Variants in MGAM observed in about 807,000 individuals in gnomAD.
MGAM encodes the protein alpha-1,4-glucosidase.
MGAM carries 253 observed loss-of-function variants against 358.8 expected under a neutral mutation model. That is an observed-to-expected ratio of 0.71 (90% CI 0.64 to 0.78). MGAM has a LOEUF of 0.78. Ranked by LOEUF, MGAM falls within the 30% of genes least tolerant of loss-of-function variation. The pLI is 0.00. For synonymous variants in MGAM, 1,105 were observed against 1,227.1 expected (o/e 0.90, Z 2.08); for missense variants, 3,080 against 3,432.6 (o/e 0.90, Z 2.57).
intron 5 of MGAM, among the ~76,000 whole-genome samples, 157 bp from the exon 6 acceptor site, chr7:142,021,429 A>T (rs1253951790): frequency 6.6e-6 from 1 of 152,214 alleles, no homozygotes; most frequent in Non-Finnish European, 1.5e-5. Flanking sequence ...CTTATGCCCA[A>T]AGGTGAACCA....
rs866631837 is a variant in MGAM at position 142,045,873 on chromosome 7, C to G, written c.2499-1912C>G. ...GTAATATATATATTATATATACATA[C>G]AATATGTAATATATATATTATGTAT... On this transcript the variant is annotated intron_variant, in intron 21 of 70. Coordinates refer to ENST00000475668, the MANE Select transcript of MGAM (RefSeq NM_001365693.1). Among the ~76,000 whole-genome samples the G allele has an allele frequency of 1.2e-4, 13 of 111,170 alleles. 4 individuals carry two copies. The highest frequency in any genetic ancestry group is 9.0e-4 in the Admixed American group (8 of 8,922). The allele number at this position is 111,170 out of a possible 152,430, so 72.9% of individuals were successfully genotyped here.
At position 142,027,621 on chromosome 7, in the gene MGAM, G is replaced by T; in HGVS notation, c.1107G>T (p.Arg369=). ...CATATTTCTTTCAGCTCATTGGGCG[G>T]CCAGCCCTTCCCTCCTACTGGGCGC... ...VVQEYLELIG[R]PALPSYWALG... The change falls in exon 10 of 71, where the codon CGG becomes CGT. Residue 369 remains arginine, a synonymous_variant. Transcript: ENST00000475668. 3 of 1,613,446 alleles carry T rather than the reference G, an allele frequency of 1.9e-6. No individual in the cohort carries two copies. Among genetic ancestry groups the T allele is most frequent in the Non-Finnish European group, 2.5e-6 (3 of 1,179,628 alleles).
chr7:142,091,128 T>C (rs1815344969), intron 57 of MGAM, among the ~76,000 whole-genome samples: 1 of 143,972 alleles, frequency 6.9e-6, no homozygotes, highest in South Asian at 2.2e-4. Flanking sequence ...GTGCCTGTAA[T>C]CCCAGCTACT....
At chr7:142,045,293 TAA>T (rs1278305991) in intron 21 of MGAM, among the ~76,000 whole-genome samples, 2 of 108,264 alleles carry the variant, frequency 1.8e-5, no homozygotes, top group South Asian at 2.6e-4. Context: ...ATATGATATA[TAA>T]TATATATTAT....
intron 67 of MGAM, among the ~76,000 whole-genome samples, chr7:142,100,253 C>A (rs1335639236): frequency 1.3e-5 from 2 of 152,120 alleles, no homozygotes; most frequent in Non-Finnish European, 2.9e-5. Context: ...AACATAAATT[C>A]TGTGAGGTTA....
Position 142,045,207 on chromosome 7 carries a change from TAA to T in MGAM, c.2499-2577_2499-2576del, listed in dbSNP as rs1563156754. ...TATATGATATATAATATATATTATA[TAA>T]CATATATGTATATAATATATATTAT... On this transcript the variant is annotated intron_variant, in intron 21 of 70. Transcript: ENST00000475668. Among the ~76,000 whole-genome samples the T allele has an allele frequency of 1.2e-4, 10 of 81,348 alleles. 2 individuals carry two copies. The highest frequency in any genetic ancestry group is 3.9e-4 in the African/African-American group (8 of 20,672). The allele number at this position is 81,348 out of a possible 152,430, so 53.4% of individuals were successfully genotyped here.
At position 142,088,739 on chromosome 7, in the gene MGAM, GTCTGTCTGTCTATCTATCTATCTATCTA is replaced by G. The variant is rs1445377146; in HGVS notation, c.6810+2026_6810+2053del. 1.6e-4 allele frequency among the ~76,000 whole-genome samples: 16 copies of G among 102,500 alleles called. 2 individuals are homozygous for G. Among genetic ancestry groups the G allele is most frequent in the African/African-American group, 4.1e-4 (10 of 24,584 alleles). The allele number at this position is 102,500 out of a possible 152,430, so 67.2% of individuals were successfully genotyped here. A position where few individuals can be genotyped will look rare whatever the true frequency, so the allele number is the denominator to read the frequency against. ...TTCATTTATGTCTGTCTGTCTGTCT[GTCTGTCTGTCTATCTATCTATCTATCTA>G]TCTATCTATCTATCTATCTATCTAT... On this transcript the variant is annotated intron_variant, in intron 57 of 70. Coordinates refer to ENST00000475668, the MANE Select transcript of MGAM (RefSeq NM_001365693.1).
rs1299112348 is a variant in MGAM at position 142,041,931 on chromosome 7, A to ATG, written c.2498+1086_2498+1087insGT. On this transcript the variant is annotated intron_variant, in intron 21 of 70. Coordinates refer to ENST00000475668, the MANE Select transcript of MGAM (RefSeq NM_001365693.1). ...TATATATATACGTATAATATATAATATATATATTATATATATACATATATA... is the reference window on the plus strand; with the variant it reads ...TATATATATACGTATAATATATAATATGTATATATTATATATATACATATATA... Among the ~76,000 whole-genome samples, 84 of 15,262 alleles carry ATG rather than the reference A, an allele frequency of 5.5e-3. 5 individuals are homozygous for ATG. Among genetic ancestry groups the ATG allele is most frequent in the South Asian group, 0.011 (8 of 734 alleles). The allele number at this position is 15,262 out of a possible 152,430, so 10.0% of individuals were successfully genotyped here.
intron 21 of MGAM, among the ~76,000 whole-genome samples, chr7:142,042,492 T>C (rs867762581): frequency 3.2e-4 from 3 of 9,416 alleles, no homozygotes; most frequent in East Asian, 6.6e-3. Flanking sequence ...ATTATATACA[T>C]ATATATAATA....
chr7:142,021,666 GA>G lies in MGAM; in HGVS notation c.640del (p.Thr214ProfsTer15). ...SFSGNAAASL[T>X]YQVEISRQPF... Reference sequence around the variant, plus strand: ...TCAGTGGAAATGCTGCTGCTTCTTTGACCTACCAAGTTGAAATCTCCAGACA... The same window carrying G: ...TCAGTGGAAATGCTGCTGCTTCTTTGCCTACCAAGTTGAAATCTCCAGACA... On this transcript the variant is annotated frameshift_variant, in exon 6 of 71. Coordinates refer to ENST00000475668, the MANE Select transcript of MGAM (RefSeq NM_001365693.1). LOFTEE classifies it high-confidence loss of function. 6.2e-7 allele frequency: 1 copy of G among 1,613,884 alleles called. No homozygotes were observed. Among genetic ancestry groups the G allele is most frequent in the Non-Finnish European group, 8.5e-7 (1 of 1,179,830 alleles).
In MGAM at chr7:142,050,728, C is replaced by A. The variant is rs750913774; in HGVS notation, c.2669C>A (p.Thr890Asn). Residue 890 changes from threonine to asparagine, a missense_variant, in exon 24 of 71, where the codon ACC becomes AAC. Physicochemically the swap from Thr to Asn is moderately conservative, Grantham distance 65. This residue lies in a region of MGAM where 1,816 missense variants were observed against 1,840.5 expected (regional missense o/e 0.99). Coordinates refer to ENST00000475668, the MANE Select transcript of MGAM (RefSeq NM_001365693.1). ...NRLEVNISQS[T>N]YKDPNNLAFN... is the part of the protein sequence containing the mutation. Reference sequence around the variant, plus strand: ...TTGGAGGTGAATATTTCACAATCAACCTACAAGGACCCCAATAATTTAGCA... The same window carrying A: ...TTGGAGGTGAATATTTCACAATCAAACTACAAGGACCCCAATAATTTAGCA... 15 of 1,613,590 alleles carry A rather than the reference C, an allele frequency of 9.3e-6. No individual in the cohort carries two copies. Among genetic ancestry groups the A allele is most frequent in the Admixed American group, 1.7e-5 (1 of 59,962 alleles).
Position 142,099,601 on chromosome 7 carries a change from T to C in MGAM, c.7750-12T>C. On this transcript the variant is annotated splice_polypyrimidine_tract_variant and intron_variant, in intron 66 of 70. Coordinates refer to ENST00000475668, the MANE Select transcript of MGAM (RefSeq NM_001365693.1). ...CTCTCCTTAGTCATCTCTTACCTTC[T>C]TCTGCCTCCAGGGTGTGGATATTAA... 1 of 1,613,840 alleles carries C rather than the reference T, an allele frequency of 6.2e-7. No homozygotes were observed. The highest frequency in any genetic ancestry group is 8.5e-7 in the Non-Finnish European group (1 of 1,179,768).
Position 142,068,638 on chromosome 7 carries a change from T to G in MGAM, c.5005-9T>G. On this transcript the variant is annotated splice_polypyrimidine_tract_variant and intron_variant, in intron 42 of 70. Transcript: ENST00000475668. Reference sequence around the variant, plus strand: ...GGCACTGCCTCACCTTGTTTGTGTTTCATTTTAGAATGCCAGAAATGTCAC... The same window carrying G: ...GGCACTGCCTCACCTTGTTTGTGTTGCATTTTAGAATGCCAGAAATGTCAC... 1 of 1,529,846 alleles carries G rather than the reference T, an allele frequency of 6.5e-7. No homozygotes were observed. Among genetic ancestry groups the G allele is most frequent in the Non-Finnish European group, 9.0e-7 (1 of 1,110,792 alleles). The allele number at this position is 1,529,846 out of a possible 1,614,324, so 94.8% of individuals were successfully genotyped here. A position where few individuals can be genotyped will look rare whatever the true frequency, so the allele number is the denominator to read the frequency against.
intron 24 of MGAM, among the ~76,000 whole-genome samples, chr7:142,051,942 G>C (rs1333022676): frequency 6.6e-6 from 1 of 152,136 alleles, no homozygotes; most frequent in Non-Finnish European, 1.5e-5. Flanking sequence ...TTGGGCATTG[G>C]AGAGCAAGAG....
chr7:142,019,334 G>T lies in MGAM; in HGVS notation c.448+15G>T. 1.2e-6 allele frequency: 2 copies of T among 1,610,358 alleles called. No individual in the cohort carries two copies. Among genetic ancestry groups the T allele is most frequent in the Non-Finnish European group, 8.5e-7 (1 of 1,179,234 alleles). On this transcript the variant is annotated intron_variant, in intron 4 of 70. Coordinates refer to ENST00000475668, the MANE Select transcript of MGAM (RefSeq NM_001365693.1). Reference sequence around the variant, plus strand: ...CACAAATGCAGGTAAGCCAGAGTCTGCCATGATGCAGGAGGTCCAGACCCT... The same window carrying T: ...CACAAATGCAGGTAAGCCAGAGTCTTCCATGATGCAGGAGGTCCAGACCCT...
At position 142,080,812 on chromosome 7, in the gene MGAM, C is replaced by T. The variant is rs1434778300; in HGVS notation, c.5869C>T (p.Arg1957Trp). The stretch of plus-strand genomic sequence containing the variant: ...CTAGATTTATGATCCCAACAACAAT[C>T]GGTATGAAGTTCCAGTCCCTCTGAA... ...QFKIYDPNNNRYEVPVPLNIP... is the reference protein window; with the variant it reads ...QFKIYDPNNNWYEVPVPLNIP... Residue 1957 changes from arginine (R) to tryptophan (W), a missense_variant, in exon 50 of 71, where the codon CGG becomes TGG. Around this residue, in one of 5 missense-constraint regions of MGAM, gnomAD observed 932 missense variants for 1,198.2 expected, o/e 0.78. Coordinates refer to ENST00000475668, the MANE Select transcript of MGAM (RefSeq NM_001365693.1). 6.4e-6 allele frequency: 10 copies of T among 1,555,160 alleles called. 2 individuals carry two copies. In the African/African-American group the frequency reaches 6.7e-5, roughly 10 times the overall value.
chr7:142,010,944 G>A (rs922533903), intron 3 of MGAM, among the ~76,000 whole-genome samples: 8 of 152,292 alleles, frequency 5.3e-5, no homozygotes, highest in African/African-American at 1.9e-4. Context: ...ATGGCAGGGA[G>A]CAGGAATATT....
chr7:142,093,635 T>A, intron 60 of MGAM, 85 bp downstream of exon 60: 1 of 1,330,004 alleles, frequency 7.5e-7, no homozygotes, highest in African/African-American at 1.4e-5. Flanking sequence ...TTCTTTTCAT[T>A]CCCATTCTAA....
rs756866285 is a variant in MGAM, at chr7:142,064,456, GC to G, written c.4419del (p.Ser1474ProfsTer27). 6.9e-6 allele frequency: 11 copies of G among 1,596,738 alleles called. No homozygotes were observed. The highest frequency in any genetic ancestry group is 7.7e-6 in the Non-Finnish European group (9 of 1,171,740). On this transcript the variant is annotated frameshift_variant, in exon 37 of 71. Transcript: ENST00000475668. LOFTEE classifies it high-confidence loss of function. ...CMESQQILPD[G>X]SLVQHYNVHN... ...GAGAGTCAGCAGATCCTCCCAGACGGCTCCCTGGTGCAGCACTACAACGTGC... is the reference window on the plus strand; with the variant it reads ...GAGAGTCAGCAGATCCTCCCAGACGGTCCCTGGTGCAGCACTACAACGTGC...
Sources: gnomAD v4.1 joint callset for allele counts (sites outside exome capture counted in the v4.1 genomes callset) on GRCh38, gnomAD v4.1.1 for gene constraint, gnomAD v4.1.1 regional missense constraint, MANE v1.5 for transcripts, NCBI Gene and HGNC (gene_info 2026-07-23, HGNC 2026-07-21) for gene names.